Variants in STAC observed in about 807,000 individuals in gnomAD.
The protein encoded by STAC is SH3 and cysteine rich domain.
Under a neutral mutation model 48.8 loss-of-function variants are expected in STAC, and 43 were observed. The ratio of observed to expected loss-of-function variants is 0.88; its 90% CI spans 0.69 to 1.14. The LOEUF is 1.14. Ranked by LOEUF, STAC falls within the 50% of genes most tolerant of loss-of-function variation. STAC has a pLI of 0.00. For synonymous variants in STAC, 193 were observed against 179.5 expected (o/e 1.07, Z -0.60); for missense variants, 497 against 504.0 (o/e 0.99, Z 0.13).
intron 2 of STAC, among the ~76,000 whole-genome samples, chr3:36,447,277 G>C (rs1347498842): frequency 6.6e-6 from 1 of 152,104 alleles, no homozygotes; most frequent in Non-Finnish European, 1.5e-5. Flanking sequence ...AAAAAAAAGG[G>C]GGGCATCTGT....
intron 2 of STAC, among the ~76,000 whole-genome samples, chr3:36,472,862 C>T (rs1035410881): frequency 6.6e-6 from 1 of 152,208 alleles, no homozygotes; most frequent in Non-Finnish European, 1.5e-5. Context: ...CTGAGCCCTC[C>T]AAACTGTTCC....
intron 1 of STAC, among the ~76,000 whole-genome samples, chr3:36,425,879 G>A (rs148612046): frequency 1.3e-3 from 194 of 152,028 alleles, no homozygotes; most frequent in African/African-American, 4.5e-3. Context: ...ATACAAAAAC[G>A]AAATAGCAAG....
intron 8 of STAC, among the ~76,000 whole-genome samples, chr3:36,514,947 G>T (rs1011375879): frequency 6.6e-6 from 1 of 151,608 alleles, no homozygotes; most frequent in East Asian, 1.9e-4. Flanking sequence ...CTGAGGCAGG[G>T]GAATTGCTTG....
intron 1 of STAC, among the ~76,000 whole-genome samples, chr3:36,419,589 A>G (rs1700401063): frequency 6.6e-6 from 1 of 152,220 alleles, no homozygotes; most frequent in South Asian, 2.1e-4. Flanking sequence ...AGGGGGCAGC[A>G]CATGATTTTT....
chr3:36,384,325 C>G (rs1266565894), intron 1 of STAC, among the ~76,000 whole-genome samples: 2 of 152,026 alleles, frequency 1.3e-5, no homozygotes, highest in African/African-American at 4.8e-5. Context: ...TCATCAATAT[C>G]AAAGGTGAGA....
intron 2 of STAC, among the ~76,000 whole-genome samples, chr3:36,458,970 T>A (rs898339480): frequency 7.9e-5 from 12 of 152,170 alleles, no homozygotes; most frequent in African/African-American, 2.9e-4. Flanking sequence ...GTAATGCTAG[T>A]GATGCTAGTC....
chr3:36,476,705 C>G (rs1412807529), intron 2 of STAC, among the ~76,000 whole-genome samples: 1 of 152,166 alleles, frequency 6.6e-6, no homozygotes, highest in Non-Finnish European at 1.5e-5. Flanking sequence ...TTGTTATAGC[C>G]TTTAGTTTAA....
chr3:36,382,738 G>A (rs1418105038), intron 1 of STAC, among the ~76,000 whole-genome samples: 2 of 152,236 alleles, frequency 1.3e-5, no homozygotes, highest in African/African-American at 2.4e-5. Flanking sequence ...AGGTAAGGGA[G>A]TAGGATGGCA....
At chr3:36,416,663 CT>C (rs1262196595) in intron 1 of STAC, among the ~76,000 whole-genome samples, 1 of 152,102 alleles carries the variant, frequency 6.6e-6, no homozygotes, top group Non-Finnish European at 1.5e-5. Flanking sequence ...GACATTGCCC[CT>C]TAATTCTTTA....
At chr3:36,455,284 G>A (rs1230178712) in intron 2 of STAC, among the ~76,000 whole-genome samples, 2 of 152,178 alleles carry the variant, frequency 1.3e-5, no homozygotes, top group African/African-American at 4.8e-5. Flanking sequence ...AGGACAGGAG[G>A]AGAAATTATC....
chr3:36,512,142 T>C (rs1323707149), intron 8 of STAC, among the ~76,000 whole-genome samples: 2 of 152,078 alleles, frequency 1.3e-5, no homozygotes, highest in African/African-American at 4.8e-5. Context: ...TACATCTGAG[T>C]TTTCTCTATT....
At chr3:36,485,158 T>G in intron 4 of STAC, 100 bp downstream of exon 4, 22 of 947,212 alleles carry the variant, frequency 2.3e-5, no homozygotes, top group Non-Finnish European at 3.1e-5. Context: ...GGGGTATCTC[T>G]GTGTGTTTGT....
At chr3:36,506,351 G>T (rs1188106308) in intron 8 of STAC, 1 of 152,220 alleles carries the variant, frequency 6.6e-6, no homozygotes, top group African/African-American at 2.4e-5. Flanking sequence ...ATAGTTTGAA[G>T]TCAGGTAGTG....
rs777983192 is a variant in STAC, at chr3:36,504,367, C to T, written c.767-26C>T. 11 of 1,602,626 alleles carry T rather than the reference C, an allele frequency of 6.9e-6. No homozygotes were observed. In the South Asian group the frequency reaches 9.9e-5, roughly 14 times the overall value. On this transcript the variant is annotated intron_variant, in intron 6 of 10. Coordinates refer to ENST00000273183, the MANE Select transcript of STAC (RefSeq NM_003149.3). ...TTAAATGGTAACTAGATTCATAGAG[C>T]ACCTGCTTTCTCTTGTCTCCTTCAG...
At chr3:36,508,375 G>C (rs901093861) in intron 8 of STAC, among the ~76,000 whole-genome samples, 3 of 152,148 alleles carry the variant, frequency 2.0e-5, no homozygotes, top group Non-Finnish European at 4.4e-5. Flanking sequence ...GTGATGTGGT[G>C]CTGAGAAGAA....
At chr3:36,387,374 C>T (rs530852406) in intron 1 of STAC, among the ~76,000 whole-genome samples, 6 of 152,044 alleles carry the variant, frequency 3.9e-5, no homozygotes, top group South Asian at 2.1e-4. Flanking sequence ...TACAGTTCTA[C>T]GGCATTAAGT....
chr3:36,523,561 G>C (rs1341321054), intron 8 of STAC, among the ~76,000 whole-genome samples: 1 of 152,174 alleles, frequency 6.6e-6, no homozygotes, highest in Non-Finnish European at 1.5e-5. Context: ...GTAAACTCTA[G>C]ACGTAATGTA....
intron 2 of STAC, among the ~76,000 whole-genome samples, chr3:36,457,051 G>A (rs1412728596): frequency 6.6e-6 from 1 of 152,176 alleles, no homozygotes; most frequent in Admixed American, 6.5e-5. Context: ...ATGCTGCCTA[G>A]TTTGACTTGC....
At chr3:36,489,824 C>A (rs1184196073) in intron 5 of STAC, among the ~76,000 whole-genome samples, 1 of 152,158 alleles carries the variant, frequency 6.6e-6, no homozygotes, top group Non-Finnish European at 1.5e-5. Flanking sequence ...CCTCCTCAGT[C>A]AAAACTGCCT....
Sources: allele counts gnomAD v4.1 joint callset (sites outside exome capture counted in the v4.1 genomes callset), GRCh38; gene constraint gnomAD v4.1.1; transcripts MANE v1.5; gene names NCBI Gene and HGNC (gene_info 2026-07-23, HGNC 2026-07-21).